Variants in SAMD4A observed in about 807,000 individuals in gnomAD.
SAMD4A encodes the protein sterile alpha motif domain containing 4A, also known as protein Smaug homolog 1.
A neutral mutation model predicts 81.3 loss-of-function variants in SAMD4A; 33 were observed. That is an observed-to-expected ratio of 0.41 (90% CI 0.31 to 0.54). The LOEUF is 0.54. Ranked by LOEUF, SAMD4A falls within the 20% of genes least tolerant of loss-of-function variation. The pLI, the probability that SAMD4A is intolerant of heterozygous loss-of-function variation, is 0.37. For missense variants in SAMD4A, 854 were observed against 951.1 expected (o/e 0.90, Z 1.34); for synonymous variants, 389 against 382.1 (o/e 1.02, Z -0.21).
At chr14:54,663,869 C>T (rs1046323053) in intron 2 of SAMD4A, among the ~76,000 whole-genome samples, 1 of 152,182 alleles carries the variant, frequency 6.6e-6, no homozygotes, top group African/African-American at 2.4e-5. Context: ...TCCAGTGAGC[C>T]ATCCCACCCA....
chr14:54,755,462 A>G (rs1053081436), intron 6 of SAMD4A, among the ~76,000 whole-genome samples: 14 of 152,168 alleles, frequency 9.2e-5, no homozygotes, highest in African/African-American at 3.4e-4. Context: ...AAGAGCGTGG[A>G]CAGGCCCTGA....
At chr14:54,783,518 TG>T (rs2039055712) in intron 11 of SAMD4A, among the ~76,000 whole-genome samples, 1 of 152,164 alleles carries the variant, frequency 6.6e-6, no homozygotes, top group Admixed American at 6.5e-5. Flanking sequence ...GTGGTGAGAA[TG>T]TGCACAGCAC....
At chr14:54,565,771 C>T (rs2032910409), upstream of SAMD4A, among the ~76,000 whole-genome samples, 1 of 152,160 alleles carries the variant, frequency 6.6e-6, no homozygotes, top group East Asian at 1.9e-4. The surrounding 1 kb of genome is among the most constrained non-coding windows in gnomAD (Gnocchi z 5.4). Context: ...GCTTGAGTGT[C>T]CCGACCCCTC....
At chr14:54,783,171 A>AC (rs1566638936) in intron 11 of SAMD4A, among the ~76,000 whole-genome samples, 1 of 151,926 alleles carries the variant, frequency 6.6e-6, no homozygotes, top group Non-Finnish European at 1.5e-5. Flanking sequence ...AAAAAAAAAA[A>AC]AAACAAAAAG....
chr14:54,780,342 A>T (rs1016649298), intron 11 of SAMD4A, among the ~76,000 whole-genome samples: 2 of 152,172 alleles, frequency 1.3e-5, no homozygotes, highest in African/African-American at 4.8e-5. Flanking sequence ...CCAGCTCACA[A>T]TTGGGATTCT....
chr14:54,758,858 AG>A (rs1390589500), intron 6 of SAMD4A, among the ~76,000 whole-genome samples: 1 of 152,038 alleles, frequency 6.6e-6, no homozygotes, highest in African/African-American at 2.4e-5. Context: ...ATACTTCATC[AG>A]TGATTGGGAC....
At chr14:54,644,470 A>G (rs1043542668) in intron 2 of SAMD4A, among the ~76,000 whole-genome samples, 14 of 152,214 alleles carry the variant, frequency 9.2e-5, no homozygotes, top group African/African-American at 3.1e-4. Context: ...CCTTCACAAC[A>G]CTAGTAAGTA....
Position 54,663,690 on chromosome 14 carries a change from A to G in SAMD4A, c.197-38372A>G, listed in dbSNP as rs562569005. Among the ~76,000 whole-genome samples, 52 of 152,260 alleles carry G rather than the reference A, an allele frequency of 3.4e-4. 1 individual carries two copies. In the South Asian group the frequency reaches 0.011, roughly 31 times the overall value. ...AGAGACTGTTAGGTCTCACGTGGTCATTTTTTCCCCTACATTATTGGAATA... is the reference window on the plus strand; with the variant it reads ...AGAGACTGTTAGGTCTCACGTGGTCGTTTTTTCCCCTACATTATTGGAATA... On this transcript the variant is annotated intron_variant, in intron 2 of 12. Coordinates refer to ENST00000554335, the MANE Select transcript of SAMD4A (RefSeq NM_015589.6).
intron 2 of SAMD4A, among the ~76,000 whole-genome samples, chr14:54,577,205 C>A (rs2033325277): frequency 6.6e-6 from 1 of 152,214 alleles, no homozygotes; most frequent in Admixed American, 6.5e-5. Context: ...CTCCCTTGGC[C>A]AAGTGTTGCC....
intron 2 of SAMD4A, among the ~76,000 whole-genome samples, chr14:54,615,367 C>G (rs1008655861): frequency 2.0e-5 from 3 of 152,202 alleles, no homozygotes; most frequent in Non-Finnish European, 4.4e-5. Context: ...CAATACAAAA[C>G]CTCTGCCAAT....
At chr14:54,765,865 C>T (rs2038525575) in intron 8 of SAMD4A, among the ~76,000 whole-genome samples, 1 of 152,116 alleles carries the variant, frequency 6.6e-6, no homozygotes, top group South Asian at 2.1e-4. Flanking sequence ...CAGTCCCCCT[C>T]TGGGATTCCA....
intron 2 of SAMD4A, among the ~76,000 whole-genome samples, chr14:54,572,827 T>A (rs887139844): frequency 1.3e-5 from 2 of 152,214 alleles, no homozygotes; most frequent in Non-Finnish European, 2.9e-5. Context: ...CTTTAATTAA[T>A]ATAGAATTGA....
rs192491517 is a variant in SAMD4A at position 54,678,607 on chromosome 14, G to A, written c.197-23455G>A. Among the ~76,000 whole-genome samples, 183 of 150,842 alleles carry A rather than the reference G, an allele frequency of 1.2e-3. 1 individual carries two copies. The highest frequency in any genetic ancestry group is 1.7e-3 in the Non-Finnish European group (112 of 67,658). ...TCTTTCGCCCAGGCCGGAGTGCAGC[G>A]GCGCGATCACGGCTCACTGCAAGCT... On this transcript the variant is annotated intron_variant, in intron 2 of 12. Coordinates refer to ENST00000554335, the MANE Select transcript of SAMD4A (RefSeq NM_015589.6).
rs759022277 is a variant in SAMD4A at position 54,784,640 on chromosome 14, A to G, written c.2128+20A>G. ...TGGGAGGTGAGTGTGTTCTTCCTGC[A>G]TGTCCCCATGTCCCTGTTACCGTGT... On this transcript the variant is annotated intron_variant, in intron 12 of 12. Coordinates refer to ENST00000554335, the MANE Select transcript of SAMD4A (RefSeq NM_015589.6). 5.0e-6 allele frequency: 8 copies of G among 1,594,492 alleles called. No individual in the cohort carries two copies. Among genetic ancestry groups the G allele is most frequent in the Non-Finnish European group, 6.0e-6 (7 of 1,162,416 alleles).
chr14:54,772,169 CAA>C (rs911156983), intron 9 of SAMD4A, among the ~76,000 whole-genome samples: 4 of 152,196 alleles, frequency 2.6e-5, no homozygotes, highest in Non-Finnish European at 5.9e-5. Context: ...TGAATTATCA[CAA>C]ATCCCAAATT....
intron 3 of SAMD4A, among the ~76,000 whole-genome samples, chr14:54,718,875 C>G (rs1025878026): frequency 6.6e-6 from 1 of 151,952 alleles, no homozygotes; most frequent in African/African-American, 2.4e-5. Flanking sequence ...GTGTGGCGGG[C>G]ACCTGTAATC....
chr14:54,762,578 C>G (rs535787526), intron 7 of SAMD4A, among the ~76,000 whole-genome samples: 235 of 152,292 alleles, frequency 1.5e-3, no homozygotes, highest in Non-Finnish European at 2.8e-3. Context: ...CTGCCAAGCC[C>G]AAGTGGAGCA....
chr14:54,773,061 T>C (rs1411503341), intron 9 of SAMD4A, among the ~76,000 whole-genome samples: 1 of 152,170 alleles, frequency 6.6e-6, no homozygotes, highest in Non-Finnish European at 1.5e-5. Flanking sequence ...AGTGTCCTCC[T>C]CACCACATTC....
intron 2 of SAMD4A, among the ~76,000 whole-genome samples, chr14:54,576,258 C>T (rs1001354927): frequency 6.6e-6 from 1 of 152,112 alleles, no homozygotes; most frequent in Non-Finnish European, 1.5e-5. Flanking sequence ...GTATACATTT[C>T]TATCTGTGTA....
Sources: allele counts gnomAD v4.1 joint callset (sites outside exome capture counted in the v4.1 genomes callset), GRCh38; gene constraint gnomAD v4.1.1; non-coding constraint Gnocchi (gnomAD v3.1); transcripts MANE v1.5; gene names NCBI Gene and HGNC (gene_info 2026-07-23, HGNC 2026-07-21).